The following MINDY4 variants were observed in gnomAD, a reference collection of about 807,000 sequenced individuals.
MINDY4 encodes MINDY lysine 48 deubiquitinase 4.
A neutral mutation model predicts 87.0 loss-of-function variants in MINDY4; 68 were observed. That is an observed-to-expected ratio of 0.78 (90% CI 0.64 to 0.96). The LOEUF is 0.96. Ranked by LOEUF, MINDY4 falls within the 40% of genes least tolerant of loss-of-function variation. MINDY4 has a pLI of 0.00. For missense variants in MINDY4, 919 were observed against 928.2 expected (o/e 0.99, Z 0.13); for synonymous variants, 379 against 363.2 (o/e 1.04, Z -0.50).
intron 1 of MINDY4, among the ~76,000 whole-genome samples, chr7:30,774,857 CTCT>C (rs935837154): frequency 1.2e-4 from 19 of 152,190 alleles, no homozygotes; most frequent in African/African-American, 4.3e-4. Flanking sequence ...TGGCTCTCTT[CTCT>C]TCTTCTTTCC....
chr7:30,819,302 A>G (rs562366991), intron 5 of MINDY4, among the ~76,000 whole-genome samples: 4 of 152,256 alleles, frequency 2.6e-5, no homozygotes, highest in South Asian at 4.2e-4. Context: ...TTTCTAATGC[A>G]TGGGTTATTT....
At chr7:30,871,647 A>T (rs956000980) in intron 13 of MINDY4, among the ~76,000 whole-genome samples, 5 of 152,170 alleles carry the variant, frequency 3.3e-5, no homozygotes, top group African/African-American at 1.2e-4. Flanking sequence ...CCACAGTGGT[A>T]CCAGGGGGTG....
chr7:30,891,196 T>C (rs934697170), intron 17 of MINDY4, among the ~76,000 whole-genome samples: 1 of 152,228 alleles, frequency 6.6e-6, no homozygotes, highest in African/African-American at 2.4e-5. Flanking sequence ...ATGTATAATA[T>C]ACCTAGTGCC....
intron 5 of MINDY4, among the ~76,000 whole-genome samples, chr7:30,791,793 G>A (rs149788454): frequency 6.6e-6 from 1 of 152,174 alleles, no homozygotes; most frequent in South Asian, 2.1e-4. Flanking sequence ...CTCTAGACAG[G>A]GGTGTCCAAC....
chr7:30,807,916 T>C (rs1000876161), intron 5 of MINDY4, among the ~76,000 whole-genome samples: 3 of 152,244 alleles, frequency 2.0e-5, no homozygotes, highest in African/African-American at 7.2e-5. Flanking sequence ...TGAGTCTTGC[T>C]GAAGCTCCCG....
chr7:30,813,632 G>T (rs76655111), intron 5 of MINDY4, among the ~76,000 whole-genome samples: 5,563 of 152,266 alleles, frequency 0.037, 225 homozygotes, highest in East Asian at 0.18. Context: ...CCAGGGGACT[G>T]CCAGGAGAGG....
intron 2 of MINDY4, 59 bp downstream of exon 2, chr7:30,778,610 C>T (rs1786901365): frequency 1.3e-6 from 2 of 1,593,170 alleles, no homozygotes; most frequent in African/African-American, 2.7e-5. Flanking sequence ...ACTGCCAAAG[C>T]ACTCATGGGC....
Position 30,850,382 on chromosome 7 carries a change from C to T in MINDY4, c.1446-72C>T. On this transcript the variant is annotated intron_variant, in intron 9 of 17. Transcript: ENST00000265299. ...ATCTGCGGAGGGGACTGCCTGACCA[C>T]ACTAAGTAGAGCTGCACCATCTCAA... The T allele has an allele frequency of 2.1e-6, 3 of 1,410,330 alleles. No individual in the cohort carries two copies. In the South Asian group the frequency reaches 3.7e-5, roughly 17 times the overall value. 87.4% of individuals were successfully genotyped at this position (1,410,330 alleles called of 1,614,324 possible). A position where few individuals can be genotyped will look rare whatever the true frequency, so the allele number is the denominator to read the frequency against.
intron 17 of MINDY4, among the ~76,000 whole-genome samples, chr7:30,887,495 G>A (rs1667262472): frequency 6.6e-6 from 1 of 152,268 alleles, no homozygotes; most frequent in African/African-American, 2.4e-5. Flanking sequence ...CGTTGGGGAG[G>A]AGGAGGAATC....
At chr7:30,798,195 G>T (rs1033540599) in intron 5 of MINDY4, among the ~76,000 whole-genome samples, 9 of 152,178 alleles carry the variant, frequency 5.9e-5, no homozygotes, top group Non-Finnish European at 1.2e-4. Flanking sequence ...ACAATGGGAA[G>T]TATTTGTTTA....
intron 15 of MINDY4, among the ~76,000 whole-genome samples, chr7:30,880,719 A>G (rs1276005093): frequency 1.3e-5 from 2 of 152,052 alleles, no homozygotes; most frequent in Non-Finnish European, 2.9e-5. Flanking sequence ...TAAGACATCT[A>G]ATTCCCCCAC....
chr7:30,824,776 G>T (rs1788448749), intron 5 of MINDY4, among the ~76,000 whole-genome samples: 1 of 152,164 alleles, frequency 6.6e-6, no homozygotes, highest in African/African-American at 2.4e-5. Flanking sequence ...GTCTTGATAT[G>T]TTGCCCAGGC....
chr7:30,823,891 C>G (rs1336151897), intron 5 of MINDY4, among the ~76,000 whole-genome samples: 1 of 152,186 alleles, frequency 6.6e-6, no homozygotes, highest in Non-Finnish European at 1.5e-5. Flanking sequence ...TAGGAATGCT[C>G]TGCCAGATAA....
intron 15 of MINDY4, among the ~76,000 whole-genome samples, chr7:30,877,822 CTTTTTTTTTTTTTTTTTTTTT>C (rs60164229): frequency 3.6e-4 from 17 of 47,542 alleles, no homozygotes; most frequent in Admixed American, 6.0e-4. Context: ...CAGGGACATG[CTTTTTTTTTTTTTTTTTTTTT>C]TTTTTTTTTT....
intron 5 of MINDY4, among the ~76,000 whole-genome samples, chr7:30,792,020 C>G (rs932437706): frequency 6.6e-6 from 1 of 152,204 alleles, no homozygotes; most frequent in Admixed American, 6.5e-5. Context: ...CCAAAACATA[C>G]CTGCAGCAAC....
intron 13 of MINDY4, among the ~76,000 whole-genome samples, chr7:30,867,599 C>T (rs1323865491): frequency 6.6e-6 from 1 of 152,188 alleles, no homozygotes; most frequent in Non-Finnish European, 1.5e-5. Flanking sequence ...AGCCCAAGTT[C>T]TCTTGGTTGT....
At chr7:30,811,227 CTT>C (rs1787987463) in intron 5 of MINDY4, among the ~76,000 whole-genome samples, 1 of 151,994 alleles carries the variant, frequency 6.6e-6, no homozygotes, top group Non-Finnish European at 1.5e-5. Flanking sequence ...ATTATAGTAA[CTT>C]ATACTATAAG....
intron 5 of MINDY4, among the ~76,000 whole-genome samples, chr7:30,808,015 G>T (rs1488882243): frequency 6.6e-6 from 1 of 152,218 alleles, no homozygotes; most frequent in African/African-American, 2.4e-5. Flanking sequence ...CCCTGACTGG[G>T]AAGCAAGGTG....
At chr7:30,820,775 G>C (rs1202489395) in intron 5 of MINDY4, among the ~76,000 whole-genome samples, 1 of 152,000 alleles carries the variant, frequency 6.6e-6, no homozygotes, top group Admixed American at 6.5e-5. Flanking sequence ...CCACCTTTTG[G>C]TTATTGTAAA....
Sources: gnomAD v4.1 joint callset for allele counts (sites outside exome capture counted in the v4.1 genomes callset) on GRCh38, gnomAD v4.1.1 for gene constraint, MANE v1.5 for transcripts, NCBI Gene and HGNC (gene_info 2026-07-23, HGNC 2026-07-21) for gene names.